OSBPL1A: variants seen among roughly 807,000 people sequenced by gnomAD.
OSBPL1A encodes the protein oxysterol-binding protein-related protein 1.
Under a neutral mutation model 137.1 loss-of-function variants are expected in OSBPL1A, and 80 were observed. That is an observed-to-expected ratio of 0.58 (90% CI 0.49 to 0.70). The LOEUF is 0.70. Ranked by LOEUF, OSBPL1A falls within the 30% of genes least tolerant of loss-of-function variation. The probability of loss-of-function intolerance (pLI) is 0.00; values close to 1 mark genes in which losing one functional copy is unlikely to be tolerated. For synonymous variants in OSBPL1A, 365 were observed against 389.7 expected (o/e 0.94, Z 0.75); for missense variants, 970 against 1,129.4 (o/e 0.86, Z 2.02).
At position 24,298,182 on chromosome 18, in the gene OSBPL1A, C is replaced by T. The variant is rs369832201; in HGVS notation, c.1174+5455G>A. On this transcript the variant is annotated intron_variant, in intron 14 of 27. Coordinates refer to ENST00000319481, the MANE Select transcript of OSBPL1A (RefSeq NM_080597.4). Reference sequence around the variant, plus strand: ...ATATCATGGCAACATTAGGAAGTTACCCTATATGGTCTAAAAAGGGGAGGC... The same window carrying T: ...ATATCATGGCAACATTAGGAAGTTATCCTATATGGTCTAAAAAGGGGAGGC... 5.8e-4 allele frequency among the ~76,000 whole-genome samples: 88 copies of T among 152,252 alleles called. 1 individual carries two copies. The highest frequency in any genetic ancestry group is 3.4e-3 in the Middle Eastern group (1 of 292).
intron 3 of OSBPL1A, 68 bp from the exon 4 acceptor site, chr18:24,367,034 T>C: frequency 1.5e-6 from 2 of 1,328,412 alleles, no homozygotes; most frequent in Non-Finnish European, 2.0e-6. Context: ...TCAAAATATA[T>C]TAAGGCCTTA....
At chr18:24,377,767 G>T (rs1167864788) in intron 1 of OSBPL1A, among the ~76,000 whole-genome samples, 1 of 152,144 alleles carries the variant, frequency 6.6e-6, no homozygotes, top group East Asian at 1.9e-4. Context: ...ACTTCTTAAG[G>T]CCTTAGTTTC....
intron 16 of OSBPL1A, among the ~76,000 whole-genome samples, chr18:24,231,455 G>A (rs2088277301): frequency 6.6e-6 from 1 of 152,022 alleles, no homozygotes; most frequent in African/African-American, 2.4e-5. Flanking sequence ...ACCACGCCCA[G>A]CATTTTTGTA....
At chr18:24,217,786 G>C (rs2087755345) in intron 17 of OSBPL1A, among the ~76,000 whole-genome samples, 2 of 152,228 alleles carry the variant, frequency 1.3e-5, no homozygotes, top group South Asian at 2.1e-4. Flanking sequence ...GAGAGCAAAT[G>C]CTCTCTGATT....
intron 16 of OSBPL1A, among the ~76,000 whole-genome samples, chr18:24,228,321 TA>T (rs1436109365): frequency 6.9e-6 from 1 of 144,586 alleles, no homozygotes; most frequent in Non-Finnish European, 1.5e-5. Flanking sequence ...ACTCCTCCTC[TA>T]TACTTTGCTC....
intron 15 of OSBPL1A, among the ~76,000 whole-genome samples, chr18:24,268,270 C>T (rs774902932): frequency 1.9e-4 from 29 of 152,114 alleles, no homozygotes; most frequent in Non-Finnish European, 3.8e-4. Flanking sequence ...TGCACACCAC[C>T]ACACCCAGCT....
At chr18:24,261,075 G>C (rs1241041866) in intron 15 of OSBPL1A, among the ~76,000 whole-genome samples, 1 of 152,134 alleles carries the variant, frequency 6.6e-6, no homozygotes, top group Non-Finnish European at 1.5e-5. Context: ...CAATAAAAAG[G>C]AGTTAACTAT....
intron 16 of OSBPL1A, among the ~76,000 whole-genome samples, chr18:24,237,735 T>C (rs1274982444): frequency 6.6e-6 from 1 of 152,188 alleles, no homozygotes; most frequent in Non-Finnish European, 1.5e-5. Context: ...ATGCTCCCCA[T>C]AGAAGAAGCG....
chr18:24,186,306 TGTG>T (rs2086744826), intron 18 of OSBPL1A, among the ~76,000 whole-genome samples: 2 of 152,252 alleles, frequency 1.3e-5, no homozygotes, highest in Middle Eastern at 3.2e-3. Flanking sequence ...ACAATGTTAC[TGTG>T]GTAATAGTGA....
At chr18:24,304,552 G>C (rs2090464831) in intron 13 of OSBPL1A, among the ~76,000 whole-genome samples, 1 of 152,080 alleles carries the variant, frequency 6.6e-6, no homozygotes, top group Admixed American at 6.6e-5. Context: ...TATTTATTCT[G>C]AGAATCTTGA....
At chr18:24,245,693 A>G (rs1313433584) in intron 15 of OSBPL1A, among the ~76,000 whole-genome samples, 1 of 152,220 alleles carries the variant, frequency 6.6e-6, no homozygotes, top group Non-Finnish European at 1.5e-5. Flanking sequence ...TGTCTCAGGC[A>G]GGATGGACAT....
chr18:24,277,015 G>C (rs1248085493), intron 15 of OSBPL1A, among the ~76,000 whole-genome samples: 1 of 152,222 alleles, frequency 6.6e-6, no homozygotes, highest in Non-Finnish European at 1.5e-5. Flanking sequence ...ATTAGAAAGA[G>C]TAAATCAGAG....
At chr18:24,266,290 G>C (rs1464381098) in intron 15 of OSBPL1A, among the ~76,000 whole-genome samples, 5 of 152,168 alleles carry the variant, frequency 3.3e-5, no homozygotes, top group African/African-American at 9.7e-5. Context: ...CACAGATCAT[G>C]AGGTAAACAA....
chr18:24,196,034 A>C, intron 18 of OSBPL1A, 91 bp downstream of exon 18: 1 of 996,342 alleles, frequency 1.0e-6, no homozygotes, highest in Non-Finnish European at 1.5e-6. Context: ...GTTGTCGTGC[A>C]CCACTTTAAT....
At chr18:24,186,069 A>T (rs1232499604) in intron 18 of OSBPL1A, among the ~76,000 whole-genome samples, 1 of 152,214 alleles carries the variant, frequency 6.6e-6, no homozygotes, top group Non-Finnish European at 1.5e-5. Flanking sequence ...CCCTGTCTTA[A>T]AAAATAAAAT....
chr18:24,165,953 C>A (rs112087245), intron 26 of OSBPL1A, among the ~76,000 whole-genome samples: 2 of 151,968 alleles, frequency 1.3e-5, no homozygotes, highest in Non-Finnish European at 2.9e-5. Context: ...AAAAATTAGC[C>A]GGGTGTGGTG....
At position 24,225,091 on chromosome 18, in the gene OSBPL1A, T is replaced by C. The variant is rs1257082850; in HGVS notation, c.1552A>G (p.Lys518Glu). 2.1e-5 allele frequency: 34 copies of C among 1,614,074 alleles called. No homozygotes were observed. The highest frequency in any genetic ancestry group is 2.8e-5 in the Non-Finnish European group (33 of 1,180,020). Reference protein sequence around the residue: ...GSRKHRMSEEKDCGGGDALSN... With the variant: ...GSRKHRMSEEEDCGGGDALSN... ...AGAGCATCTCCGCCACCACAGTCTT[T>C]TTCTTCGGACATTCTGTGTTTTCTA... The change falls in exon 17 of 28, where the codon AAA becomes GAA. Residue 518 changes from lysine to glutamate, a missense_variant. Lys to Glu is a moderately conservative substitution (Grantham distance 56, BLOSUM62 1). Around this residue, in one of 2 missense-constraint regions of OSBPL1A, gnomAD observed 647 missense variants for 672.6 expected, o/e 0.96. Coordinates refer to ENST00000319481, the MANE Select transcript of OSBPL1A (RefSeq NM_080597.4).
At chr18:24,165,512 C>T (rs1003995161) in intron 26 of OSBPL1A, among the ~76,000 whole-genome samples, 6 of 152,190 alleles carry the variant, frequency 3.9e-5, no homozygotes, top group Admixed American at 2.0e-4. Context: ...GGAGACCTCA[C>T]GGAGCTTCTT....
chr18:24,169,364 C>T (rs192565723), intron 24 of OSBPL1A, among the ~76,000 whole-genome samples: 1 of 152,300 alleles, frequency 6.6e-6, no homozygotes, highest in East Asian at 1.9e-4. Context: ...AGAGACTGGT[C>T]TTCGGTAGGT....
Sources: gnomAD v4.1 joint callset for allele counts (sites outside exome capture counted in the v4.1 genomes callset) on GRCh38, gnomAD v4.1.1 for gene constraint, gnomAD v4.1.1 regional missense constraint, MANE v1.5 for transcripts, NCBI Gene and HGNC (gene_info 2026-07-23, HGNC 2026-07-21) for gene names.